SYNE2: variants seen among roughly 807,000 people sequenced by gnomAD.
The protein encoded by SYNE2 is spectrin repeat containing nuclear envelope protein 2.
SYNE2 carries 431 observed loss-of-function variants against 856.3 expected under a neutral mutation model. That is an observed-to-expected ratio of 0.50 (90% CI 0.47 to 0.55). The LOEUF (loss-of-function observed/expected upper bound fraction) is 0.55. SYNE2 is among the 20% of genes least tolerant of loss of function. The pLI is 0.00. For missense variants in SYNE2, 8,129 were observed against 8,023.2 expected (o/e 1.01, Z -0.50); for synonymous variants, 2,923 against 2,872.3 (o/e 1.02, Z -0.56).
In SYNE2 at chr14:63,986,606, G is replaced by T. The variant is rs1432172933; in HGVS notation, c.2302G>T (p.Glu768Ter). The change falls in exon 19 of 116, where the codon GAA becomes TAA. Residue 768 changes from glutamate (E) to a stop codon, truncating the protein, a stop_gained. Coordinates refer to ENST00000555002, the MANE Select transcript of SYNE2 (RefSeq NM_182914.3). LOFTEE classifies it high-confidence loss of function. ...DQDDVDTSMEESLKHLIAKGS... is the reference protein window; with the variant it reads ...DQDDVDTSME ...AGATGATGTGGACACCTCAATGGAA[G>T]AATCTTTGAAGGTATGTGTGTAAAA... 6.2e-7 allele frequency: 1 copy of T among 1,614,124 alleles called. No individual in the cohort carries two copies. Among genetic ancestry groups the T allele is most frequent in the Non-Finnish European group, 8.5e-7 (1 of 1,180,002 alleles).
At chr14:64,173,926 G>A (rs1252966422) in intron 94 of SYNE2, 5 of 695,670 alleles carry the variant, frequency 7.2e-6, no homozygotes, top group East Asian at 2.7e-5. Context: ...GTGTGGTGGC[G>A]CATCTCTTAA....
chr14:63,969,211 C>T (rs1035473647), intron 11 of SYNE2, among the ~76,000 whole-genome samples: 1 of 150,742 alleles, frequency 6.6e-6, no homozygotes. Context: ...GCTCCGTTGC[C>T]CAGGCTAGAG....
At chr14:63,999,352 A>T (rs1277031261) in intron 27 of SYNE2, among the ~76,000 whole-genome samples, 3 of 152,180 alleles carry the variant, frequency 2.0e-5, no homozygotes, top group Admixed American at 2.0e-4. Flanking sequence ...AAGGGAATTG[A>T]TCAAAAACAA....
chr14:64,102,334 A>G (rs773492052), intron 64 of SYNE2, among the ~76,000 whole-genome samples: 13 of 152,038 alleles, frequency 8.6e-5, no homozygotes, highest in African/African-American at 9.7e-5. Flanking sequence ...CTGACTTTCT[A>G]TGTTAGCTTT....
chr14:63,861,085 A>AT (rs1434634527), intron 1 of SYNE2, among the ~76,000 whole-genome samples: 2 of 150,382 alleles, frequency 1.3e-5, no homozygotes, highest in Non-Finnish European at 3.0e-5. Context: ...AATCTTTGAG[A>AT]TTTTTTCCAG....
chr14:64,098,651 G>A, intron 62 of SYNE2, 96 bp from the exon 63 acceptor site: 4 of 1,308,218 alleles, frequency 3.1e-6, no homozygotes, highest in Non-Finnish European at 4.3e-6. Flanking sequence ...GATAAAGTAA[G>A]TAAAAAATTA....
chr14:64,053,438 A>T lies in SYNE2; in HGVS notation c.9525A>T (p.Pro3175=). ...AGATAAAATCTCAATTACAGCAGCC[A>T]TTACTTATAAATTTGGAAATTAAAC... ...LNQIKSQLQQ[P]LLINLEIKHI... Residue 3175 remains proline, a synonymous_variant, in exon 48 of 116, where the codon CCA becomes CCT. Transcript: ENST00000555002. The T allele has an allele frequency of 6.2e-7, 1 of 1,613,562 alleles. No homozygotes were observed. Among genetic ancestry groups the T allele is most frequent in the South Asian group, 1.1e-5 (1 of 90,720 alleles).
chr14:63,963,160 C>A (rs2096344338), intron 9 of SYNE2, among the ~76,000 whole-genome samples: 1 of 152,122 alleles, frequency 6.6e-6, no homozygotes, highest in Admixed American at 6.5e-5. Flanking sequence ...AAGAGAGTCT[C>A]AAGCTGAGAT....
intron 2 of SYNE2, among the ~76,000 whole-genome samples, chr14:63,917,761 C>T (rs2095549330): frequency 6.6e-6 from 1 of 152,114 alleles, no homozygotes; most frequent in African/African-American, 2.4e-5. Flanking sequence ...TGAGTCACCG[C>T]ACCTGGCCTC....
At chr14:63,879,736 G>A (rs182923619) in intron 1 of SYNE2, among the ~76,000 whole-genome samples, 19 of 152,296 alleles carry the variant, frequency 1.2e-4, no homozygotes, top group East Asian at 1.9e-4. Context: ...GTATTTTTGC[G>A]TTTTCCCTTT....
intron 1 of SYNE2, among the ~76,000 whole-genome samples, chr14:63,781,694 A>G (rs936584625): frequency 1.2e-4 from 18 of 151,892 alleles, no homozygotes; most frequent in African/African-American, 4.3e-4. Context: ...TTATATTTAT[A>G]TACTTTTTTT....
At chr14:64,084,536 CATA>C in intron 57 of SYNE2, 1 of 166,684 alleles carries the variant, frequency 6.0e-6, no homozygotes, top group East Asian at 1.7e-4. Flanking sequence ...TTTCACTTAA[CATA>C]ATGCCTTTGA....
chr14:64,084,887 T>A, intron 57 of SYNE2: 1 of 696,972 alleles, frequency 1.4e-6, no homozygotes, highest in South Asian at 1.5e-5. Context: ...TCGACTTGTG[T>A]GAGGGAGGAG....
At chr14:63,870,721 A>T (rs924564204) in intron 1 of SYNE2, among the ~76,000 whole-genome samples, 2 of 151,132 alleles carry the variant, frequency 1.3e-5, no homozygotes, top group African/African-American at 4.9e-5. Flanking sequence ...TAGAATTTGA[A>T]CCAGGGGTCA....
chr14:64,138,072 C>T, intron 79 of SYNE2, 89 bp downstream of exon 79: 1 of 1,442,108 alleles, frequency 6.9e-7, no homozygotes, highest in South Asian at 1.2e-5. Context: ...TTACCTGCAA[C>T]CCACCTTATG....
rs527878463 is a variant in SYNE2 at position 63,790,790 on chromosome 14, TATA to T, written c.-305+28809_-305+28811del. Among the ~76,000 whole-genome samples, 12 of 152,300 alleles carry T rather than the reference TATA, an allele frequency of 7.9e-5. No individual in the cohort carries two copies. The East Asian group carries it at 2.1e-3, about 27-fold the overall frequency. ...AATTTTTCAAAGAACAACACAAAGATATAATAACTTTATTATGCCACTTATTTT... is the reference window on the plus strand; with the variant it reads ...AATTTTTCAAAGAACAACACAAAGATATAACTTTATTATGCCACTTATTTT... On this transcript the variant is annotated intron_variant, in intron 1 of 23. Coordinates refer to the SYNE2 transcript ENST00000674003.
intron 64 of SYNE2, among the ~76,000 whole-genome samples, chr14:64,106,372 G>A (rs374113026): frequency 9.9e-5 from 15 of 152,132 alleles, no homozygotes; most frequent in African/African-American, 2.2e-4. Flanking sequence ...AATATTGGCC[G>A]GGCATGGTGG....
chr14:64,114,698 GC>G (rs2097841366), intron 66 of SYNE2, among the ~76,000 whole-genome samples: 1 of 151,292 alleles, frequency 6.6e-6, no homozygotes, highest in Admixed American at 6.6e-5. Context: ...GCTCATTGCA[GC>G]CTCGACTTCC....
In SYNE2 at chr14:64,163,503, C is replaced by T; in HGVS notation, c.16401C>T (p.Leu5467=). The T allele has an allele frequency of 2.5e-6, 4 of 1,614,150 alleles. No individual in the cohort carries two copies. The highest frequency in any genetic ancestry group is 1.1e-5 in the South Asian group (1 of 91,082). ...CCGCAGAGTCCAGCACCCACATGCT[C>T]CTCCCGGGCCCCCTGCACTCTCTCC... The part of the protein sequence containing the change: ...PQPAESSTHM[L]LPGPLHSLQR... The change falls in exon 89 of 116, where the codon CTC becomes CTT. Residue 5467 remains leucine, a synonymous_variant. Coordinates refer to ENST00000555002, the MANE Select transcript of SYNE2 (RefSeq NM_182914.3).
Sources: allele counts gnomAD v4.1 joint callset (sites outside exome capture counted in the v4.1 genomes callset), GRCh38; gene constraint gnomAD v4.1.1; transcripts MANE v1.5; gene names NCBI Gene and HGNC (gene_info 2026-07-23, HGNC 2026-07-21).